MACROD2: variants seen among roughly 807,000 people sequenced by gnomAD.
MACROD2 encodes mono-ADP ribosylhydrolase 2, also known as ADP-ribose glycohydrolase MACROD2.
MACROD2 carries 36 observed loss-of-function variants against 70.4 expected under a neutral mutation model. The ratio of observed to expected loss-of-function variants is 0.51; its 90% CI spans 0.39 to 0.68. MACROD2 has a LOEUF of 0.68. Ranked by LOEUF, MACROD2 falls within the 30% of genes least tolerant of loss-of-function variation. The pLI, the probability that MACROD2 is intolerant of heterozygous loss-of-function variation, is 0.00. For missense variants in MACROD2, 496 were observed against 538.4 expected (o/e 0.92, Z 0.78); for synonymous variants, 172 against 178.8 (o/e 0.96, Z 0.30).
intron 5 of MACROD2, among the ~76,000 whole-genome samples, chr20:14,805,806 GA>G (rs964944136): frequency 6.6e-6 from 1 of 151,904 alleles, no homozygotes; most frequent in Non-Finnish European, 1.5e-5. Flanking sequence ...GGCTTAGCTA[GA>G]AAAAAGTGAA....
intron 8 of MACROD2, among the ~76,000 whole-genome samples, chr20:15,717,501 C>A (rs1037276712): frequency 6.6e-6 from 1 of 152,126 alleles, no homozygotes; most frequent in South Asian, 2.1e-4. Flanking sequence ...TAGATTATGC[C>A]AGAAGTCTTG....
At chr20:15,086,195 C>A (rs1260488634) in intron 5 of MACROD2, among the ~76,000 whole-genome samples, 2 of 152,126 alleles carry the variant, frequency 1.3e-5, no homozygotes, top group African/African-American at 4.8e-5. Flanking sequence ...TCATATACTA[C>A]AAGACAGAAT....
rs147186545 is a variant in MACROD2 at position 14,096,109 on chromosome 20, G to C, written c.271+10381G>C. On this transcript the variant is annotated intron_variant, in intron 3 of 17. Transcript: ENST00000684519. ...AGGTTAAAAATGTCTGTGGGTCCTA[G>C]TAAATTATATTGGCACACTTTTGGA... Among the ~76,000 whole-genome samples, 250 of 152,280 alleles carry C rather than the reference G, an allele frequency of 1.6e-3. 2 individuals are homozygous for C. The highest frequency in any genetic ancestry group is 5.8e-3 in the African/African-American group (242 of 41,564).
intron 5 of MACROD2, among the ~76,000 whole-genome samples, chr20:15,211,568 G>A (rs934701092): frequency 6.6e-6 from 1 of 152,006 alleles, no homozygotes; most frequent in Non-Finnish European, 1.5e-5. Flanking sequence ...CGTGAGAGCT[G>A]GTTGTTTAAA....
At chr20:15,830,879 A>G (rs1051999675) in intron 8 of MACROD2, among the ~76,000 whole-genome samples, 1 of 152,246 alleles carries the variant, frequency 6.6e-6, no homozygotes, top group African/African-American at 2.4e-5. Context: ...GGCGTATATA[A>G]CACATTAGAA....
intron 5 of MACROD2, among the ~76,000 whole-genome samples, chr20:14,803,406 C>G (rs1036043281): frequency 2.0e-5 from 3 of 152,054 alleles, no homozygotes; most frequent in Non-Finnish European, 4.4e-5. Context: ...TGTATATACT[C>G]AGGTTAAGAT....
At chr20:14,038,041 T>C (rs545532505) in intron 2 of MACROD2, among the ~76,000 whole-genome samples, 14 of 152,236 alleles carry the variant, frequency 9.2e-5, no homozygotes, top group African/African-American at 3.4e-4. Flanking sequence ...ACGCCTATTA[T>C]CCCAGCACTT....
At chr20:15,936,035 A>G (rs918737926) in intron 11 of MACROD2, among the ~76,000 whole-genome samples, 1 of 152,094 alleles carries the variant, frequency 6.6e-6, no homozygotes, top group East Asian at 1.9e-4. Flanking sequence ...GACAAAAGAT[A>G]GGCTAGAAAA....
intron 8 of MACROD2, among the ~76,000 whole-genome samples, chr20:15,521,390 T>C (rs2047651024): frequency 6.6e-6 from 1 of 152,340 alleles, no homozygotes; most frequent in East Asian, 1.9e-4. Context: ...CTGCTGTGAA[T>C]AGATTTAAAG....
intron 5 of MACROD2, among the ~76,000 whole-genome samples, chr20:14,790,194 A>G (rs538576177): frequency 3.7e-4 from 56 of 152,088 alleles, no homozygotes; most frequent in African/African-American, 1.4e-3. Context: ...TCTTTTATTC[A>G]TTTTTATAGA....
chr20:15,818,697 C>T (rs561701398), intron 8 of MACROD2, among the ~76,000 whole-genome samples: 1 of 152,162 alleles, frequency 6.6e-6, no homozygotes, highest in African/African-American at 2.4e-5. Context: ...TACCCAGTCT[C>T]TATTCAGGAT....
intron 1 of MACROD2, 29 bp from the exon 2 acceptor site, chr20:14,002,259 A>G: frequency 7.1e-7 from 1 of 1,407,024 alleles, no homozygotes; most frequent in South Asian, 1.2e-5. Flanking sequence ...CGTTAAATAC[A>G]AATGGAGATT....
intron 8 of MACROD2, among the ~76,000 whole-genome samples, chr20:15,735,756 C>T (rs1256869655): frequency 4.6e-5 from 7 of 152,158 alleles, no homozygotes; most frequent in African/African-American, 1.7e-4. Flanking sequence ...ACAGAGATAA[C>T]TTGAGGAACA....
chr20:14,732,598 G>A (rs942970978), intron 5 of MACROD2, among the ~76,000 whole-genome samples: 1 of 152,124 alleles, frequency 6.6e-6, no homozygotes, highest in Non-Finnish European at 1.5e-5. Context: ...AATTAAAGTG[G>A]CATTATAAAG....
chr20:14,717,476 T>A (rs766975339), intron 5 of MACROD2, among the ~76,000 whole-genome samples: 1 of 151,826 alleles, frequency 6.6e-6, no homozygotes. Context: ...TGCTTAAAGA[T>A]CCTTACTTTT....
At chr20:15,075,678 A>C (rs1204017913) in intron 5 of MACROD2, among the ~76,000 whole-genome samples, 1 of 151,834 alleles carries the variant, frequency 6.6e-6, no homozygotes. Flanking sequence ...CCCTGAGTAA[A>C]CTCCTCCTTG....
chr20:15,884,476 G>A lies in MACROD2; in HGVS notation c.728-1288G>A, dbSNP rs141505358. Among the ~76,000 whole-genome samples the A allele has an allele frequency of 1.2e-3, 189 of 152,124 alleles. 1 individual carries two copies. The highest frequency in any genetic ancestry group is 4.4e-3 in the African/African-American group (184 of 41,540). ...GTATCATTGGCCTTGAGTGTTATCG[G>A]GAAGAGTCTAGACTTTTCTCATTAG... On this transcript the variant is annotated intron_variant, in intron 9 of 17. Transcript: ENST00000684519.
intron 5 of MACROD2, among the ~76,000 whole-genome samples, chr20:14,748,465 C>T (rs910954652): frequency 4.6e-5 from 7 of 152,024 alleles, no homozygotes; most frequent in South Asian, 4.2e-4. Flanking sequence ...ATATTTGTCA[C>T]GAACTATCAA....
intron 5 of MACROD2, among the ~76,000 whole-genome samples, chr20:14,714,602 G>T (rs1356751630): frequency 6.6e-6 from 1 of 152,080 alleles, no homozygotes; most frequent in Non-Finnish European, 1.5e-5. Context: ...AGGCATGGTG[G>T]TCTTTTTAAA....
Sources: allele counts gnomAD v4.1 joint callset (sites outside exome capture counted in the v4.1 genomes callset), GRCh38; gene constraint gnomAD v4.1.1; transcripts MANE v1.5; gene names NCBI Gene and HGNC (gene_info 2026-07-23, HGNC 2026-07-21).